The following TBC1D22A variants were observed in gnomAD, a reference collection of about 807,000 sequenced individuals.
TBC1D22A encodes the protein TBC1 domain family member 22A, also known as putative GTPase activator.
TBC1D22A carries 38 observed loss-of-function variants against 60.2 expected under a neutral mutation model. The observed-to-expected ratio is 0.63, with a 90% confidence interval of 0.49 to 0.83. The LOEUF (loss-of-function observed/expected upper bound fraction) is 0.83. TBC1D22A is among the 40% of genes least tolerant of loss of function. The pLI is 0.00. For missense variants in TBC1D22A, 628 were observed against 701.0 expected (o/e 0.90, Z 1.18); for synonymous variants, 302 against 281.7 (o/e 1.07, Z -0.72).
intron 2 of TBC1D22A, chr22:46,792,791 C>T: frequency 6.9e-7 from 1 of 1,458,836 alleles, no homozygotes; most frequent in Admixed American, 2.5e-5. Context: ...GGAGCCACAG[C>T]CTGATGTGGG....
intron 12 of TBC1D22A, among the ~76,000 whole-genome samples, chr22:47,140,266 A>G (rs1302319142): frequency 2.0e-5 from 3 of 152,022 alleles, no homozygotes; most frequent in Non-Finnish European, 4.4e-5. Flanking sequence ...GATAGAGCTC[A>G]TCGGTTGTGA....
At chr22:46,971,752 G>A (rs1285947757) in intron 8 of TBC1D22A, among the ~76,000 whole-genome samples, 5 of 152,338 alleles carry the variant, frequency 3.3e-5, no homozygotes, top group South Asian at 2.1e-4. Flanking sequence ...TCTGTGAACC[G>A]GCAGAAATAA....
At chr22:47,004,291 A>G (rs973439148) in intron 10 of TBC1D22A, among the ~76,000 whole-genome samples, 8 of 140,924 alleles carry the variant, frequency 5.7e-5, no homozygotes, top group East Asian at 2.2e-4. Flanking sequence ...CCTGCACACA[A>G]TCCTCATACA....
At chr22:47,173,411 T>A (rs965237784) in intron 12 of TBC1D22A, 87 bp from the exon 13 acceptor site, 7 of 1,557,100 alleles carry the variant, frequency 4.5e-6, no homozygotes, top group Admixed American at 3.5e-5. Flanking sequence ...TGACCTGGGC[T>A]TGTATCTTTC....
At position 47,158,232 on chromosome 22, in the gene TBC1D22A, C is replaced by G. The variant is rs116627103; in HGVS notation, c.1426-15266C>G. 4.5e-3 allele frequency among the ~76,000 whole-genome samples: 686 copies of G among 152,336 alleles called. 7 individuals carry two copies. Among genetic ancestry groups the G allele is most frequent in the African/African-American group, 0.016 (650 of 41,578 alleles). ...TTTGCATGCTTCTGCAGTTGACATA[C>G]TAGAAACTTAGCAGGATCAGCTCTA... On this transcript the variant is annotated intron_variant, in intron 12 of 12. Coordinates refer to ENST00000337137, the MANE Select transcript of TBC1D22A (RefSeq NM_014346.5).
At chr22:46,977,832 C>T (rs144788069) in intron 9 of TBC1D22A, among the ~76,000 whole-genome samples, 3 of 152,150 alleles carry the variant, frequency 2.0e-5, no homozygotes, top group Non-Finnish European at 2.9e-5. Context: ...GACCCAGCGA[C>T]GCAGCGCTAG....
chr22:46,922,222 C>T (rs917902842), intron 8 of TBC1D22A, among the ~76,000 whole-genome samples: 1 of 152,194 alleles, frequency 6.6e-6, no homozygotes, highest in African/African-American at 2.4e-5. Flanking sequence ...TCTGGGCTCT[C>T]TCTTCTGTTC....
At chr22:46,899,909 T>G (rs1426238784) in intron 7 of TBC1D22A, among the ~76,000 whole-genome samples, 1 of 152,084 alleles carries the variant, frequency 6.6e-6, no homozygotes, top group Non-Finnish European at 1.5e-5. Flanking sequence ...TCCCCTAAAG[T>G]TTGGGCTGCT....
chr22:46,906,660 C>T (rs185718272), intron 7 of TBC1D22A, among the ~76,000 whole-genome samples: 6 of 152,178 alleles, frequency 3.9e-5, no homozygotes, highest in Admixed American at 2.6e-4. Context: ...TCTCCACCTA[C>T]GAGCAAGTCA....
At chr22:46,796,714 G>A (rs532077502) in intron 3 of TBC1D22A, among the ~76,000 whole-genome samples, 31 of 150,908 alleles carry the variant, frequency 2.1e-4, no homozygotes, top group African/African-American at 7.6e-4. Context: ...GGGGTCAGTG[G>A]GGCCATGGTG....
At chr22:46,917,030 C>G (rs997368111) in intron 8 of TBC1D22A, among the ~76,000 whole-genome samples, 3 of 152,134 alleles carry the variant, frequency 2.0e-5, no homozygotes, top group Non-Finnish European at 4.4e-5. Context: ...CAGAGCCAAG[C>G]GTGCGTGCTT....
At chr22:47,106,310 C>T (rs984073992) in intron 11 of TBC1D22A, among the ~76,000 whole-genome samples, 3 of 152,032 alleles carry the variant, frequency 2.0e-5, no homozygotes, top group African/African-American at 7.2e-5. Flanking sequence ...CTACTTATTC[C>T]CCAGATTCAG....
chr22:47,043,455 G>T (rs1857464123), intron 11 of TBC1D22A, among the ~76,000 whole-genome samples: 2 of 152,214 alleles, frequency 1.3e-5, no homozygotes, highest in African/African-American at 4.8e-5. Context: ...AGGAAAAGCT[G>T]TTGTGGGGAC....
rs180969786 is a variant in TBC1D22A at position 46,767,374 on chromosome 22, T to G, written c.62+4526T>G. 7.2e-5 allele frequency among the ~76,000 whole-genome samples: 11 copies of G among 152,352 alleles called. No homozygotes were observed. In the East Asian group the frequency reaches 1.7e-3, roughly 24 times the overall value. On this transcript the variant is annotated intron_variant, in intron 1 of 12. Transcript: ENST00000337137. ...GGCAAATGGGGAGATATCTTTGGCT[T>G]AGCACGATTCTCTTTGAGGAGAAAA... is the stretch of plus-strand genomic sequence containing the variant.
rs1601985084 is a variant in TBC1D22A, at chr22:46,816,335, G to T, written c.637+18715G>T. Reference sequence around the variant, plus strand: ...CTGGCTCAGGGCCATGCTTGGTAATGATTTGGTAAACTGAAGAGTAAGCTC... The same window carrying T: ...CTGGCTCAGGGCCATGCTTGGTAATTATTTGGTAAACTGAAGAGTAAGCTC... On this transcript the variant is annotated intron_variant, in intron 4 of 12. Coordinates refer to ENST00000337137, the MANE Select transcript of TBC1D22A (RefSeq NM_014346.5). 3.3e-5 allele frequency among the ~76,000 whole-genome samples: 5 copies of T among 152,284 alleles called. No individual in the cohort carries two copies. In the South Asian group the frequency reaches 1.0e-3, roughly 32 times the overall value.
rs968304733 is a variant in TBC1D22A, at chr22:46,947,276, C to T, written c.1016-27014C>T. Among the ~76,000 whole-genome samples, 9 of 152,154 alleles carry T rather than the reference C, an allele frequency of 5.9e-5. No homozygotes were observed. The South Asian group carries it at 8.3e-4, about 14-fold the overall frequency. On this transcript the variant is annotated intron_variant, in intron 8 of 12. Transcript: ENST00000337137. ...ACATGGTTCTTGGGTTCTTCTCAGT[C>T]GCTCTGTCTGGACCCAGATGTGTGA...
At chr22:46,926,087 C>T (rs1379518699) in intron 8 of TBC1D22A, among the ~76,000 whole-genome samples, 1 of 151,942 alleles carries the variant, frequency 6.6e-6, no homozygotes, top group Non-Finnish European at 1.5e-5. Flanking sequence ...AAGAAGAAAT[C>T]GTAAGGGAAA....
In TBC1D22A at chr22:47,102,946, G is replaced by A. The variant is rs1603270946; in HGVS notation, c.1330-8562G>A. The stretch of plus-strand genomic sequence containing the variant: ...TAATTACCAATCACGTGCTACTCAG[G>A]GCTGGTTCCCTCAGGGCCTCACATA... On this transcript the variant is annotated intron_variant, in intron 11 of 12. Coordinates refer to ENST00000337137, the MANE Select transcript of TBC1D22A (RefSeq NM_014346.5). 3.9e-5 allele frequency among the ~76,000 whole-genome samples: 6 copies of A among 152,212 alleles called. No homozygotes were observed. The Middle Eastern group carries it at 0.014, about 345-fold the overall frequency.
chr22:46,840,203 T>C (rs1275046515), intron 4 of TBC1D22A, among the ~76,000 whole-genome samples: 1 of 152,154 alleles, frequency 6.6e-6, no homozygotes, highest in Admixed American at 6.5e-5. Context: ...ACATCTGATA[T>C]GGGGTAAATG....
Sources: allele counts gnomAD v4.1 joint callset (sites outside exome capture counted in the v4.1 genomes callset), GRCh38; gene constraint gnomAD v4.1.1; transcripts MANE v1.5; gene names NCBI Gene and HGNC (gene_info 2026-07-23, HGNC 2026-07-21).